Variants in LIG1 observed in about 807,000 individuals in gnomAD.
LIG1 encodes the protein DNA ligase 1, also known as ligase I, DNA, ATP-dependent.
A neutral mutation model predicts 115.7 loss-of-function variants in LIG1; 70 were observed. The observed-to-expected ratio is 0.60, with a 90% CI of 0.50 to 0.74. LIG1 has a LOEUF of 0.74. Among genes scored for constraint, LIG1 ranks in the 30% least tolerant of loss-of-function variants. The probability of loss-of-function intolerance (pLI) is 0.00; values close to 1 mark genes in which losing one functional copy is unlikely to be tolerated. For synonymous variants in LIG1, 487 were observed against 495.3 expected (o/e 0.98, Z 0.22); for missense variants, 1,115 against 1,225.6 (o/e 0.91, Z 1.35).
chr19:48,119,151 G>A lies in LIG1; in HGVS notation c.2425C>T (p.His809Tyr). 4.4e-6 allele frequency: 7 copies of A among 1,582,472 alleles called. No individual in the cohort carries two copies. Among genetic ancestry groups the A allele is most frequent in the Non-Finnish European group, 6.0e-6 (7 of 1,164,394 alleles). Reference sequence around the variant, plus strand: ...CCATGGCTCACCTTGAGGCTCTGGTGATGCTCCTCCAGCTCCTCATCACTG... The same window carrying A: ...CCATGGCTCACCTTGAGGCTCTGGTAATGCTCCTCCAGCTCCTCATCACTG... ...GFSDEELEEH[H>Y]QSLKALVLPS... Residue 809 changes from histidine (H) to tyrosine (Y), a missense_variant, in exon 25 of 28, where the codon CAC becomes TAC. His to Tyr is a moderately conservative substitution (Grantham distance 83). Coordinates refer to ENST00000263274, the MANE Select transcript of LIG1 (RefSeq NM_000234.3).
chr19:48,129,252 T>C (rs1034968655), intron 19 of LIG1, among the ~76,000 whole-genome samples: 1 of 152,188 alleles, frequency 6.6e-6, no homozygotes, highest in East Asian at 1.9e-4. Flanking sequence ...GGTTTCACCA[T>C]GTTGGCCAGG....
chr19:48,153,689 C>T (rs2035626242), intron 6 of LIG1, among the ~76,000 whole-genome samples, 183 bp downstream of exon 6: 1 of 129,208 alleles, frequency 7.7e-6, no homozygotes. Flanking sequence ...CACACACACA[C>T]ACCTCTCCTT....
intron 4 of LIG1, among the ~76,000 whole-genome samples, chr19:48,158,584 A>T (rs1353081985): frequency 6.6e-6 from 1 of 152,072 alleles, no homozygotes; most frequent in East Asian, 1.9e-4. Flanking sequence ...CAGGACCGGG[A>T]CTCCACAAAT....
In LIG1 at chr19:48,137,075, T is replaced by C. The variant is rs1169233153; in HGVS notation, c.1264A>G (p.Lys422Glu). 1 of 1,612,886 alleles carries C rather than the reference T, an allele frequency of 6.2e-7. No homozygotes were observed. The highest frequency in any genetic ancestry group is 1.7e-5 in the Admixed American group (1 of 59,790). The change falls in exon 14 of 28, where the codon AAG becomes GAG. Residue 422 changes from lysine to glutamate, a missense_variant. Physicochemically the swap from Lys to Glu is moderately conservative, Grantham distance 56. Transcript: ENST00000263274. This position sits in a 1 kb window ranked among gnomAD's most constrained non-coding sequence, Gnocchi z 4.3. Reference protein sequence around the residue: ...ARLTGSASTAKKIDIIKGLFV... With the variant: ...ARLTGSASTAEKIDIIKGLFV... Reference sequence around the variant, plus strand: ...AGGCCTTTGATGATGTCTATCTTCTTGGCTGTGGACTGGAGAGTCAGGGGA... The same window carrying C: ...AGGCCTTTGATGATGTCTATCTTCTCGGCTGTGGACTGGAGAGTCAGGGGA...
At chr19:48,127,682 G>A in intron 20 of LIG1, 1 of 625,874 alleles carries the variant, frequency 1.6e-6, no homozygotes, top group Non-Finnish European at 2.9e-6. Context: ...TTCTTTCATA[G>A]TAAAACAACA....
rs184585491 is a variant in LIG1, at chr19:48,128,351, G to A, written c.1822-331C>T. Among the ~76,000 whole-genome samples the A allele has an allele frequency of 5.5e-3, 837 of 152,186 alleles. 4 individuals are homozygous for A. The highest frequency in any genetic ancestry group is 7.7e-3 in the Non-Finnish European group (526 of 68,008). On this transcript the variant is annotated intron_variant, in intron 19 of 27. Coordinates refer to ENST00000263274, the MANE Select transcript of LIG1 (RefSeq NM_000234.3). The stretch of plus-strand genomic sequence containing the variant: ...AACTCCCTGCTCAGCCTCGCCTACT[G>A]GGCTTCCCTGTCCTGCACCGATCCC...
chr19:48,156,770 G>A (rs3730870), intron 5 of LIG1, among the ~76,000 whole-genome samples: 49,155 of 151,460 alleles, frequency 0.32, 8,828 homozygotes, highest in East Asian at 0.55. Context: ...GTGAAACCCC[G>A]TCTCTACTAA....
chr19:48,116,402 T>A (rs1187166258), intron 26 of LIG1, among the ~76,000 whole-genome samples: 2 of 141,390 alleles, frequency 1.4e-5, no homozygotes, highest in African/African-American at 5.4e-5. Flanking sequence ...GAGCTGAGAT[T>A]GCGCCACTGT....
chr19:48,126,348 G>A (rs2033667220), intron 21 of LIG1, among the ~76,000 whole-genome samples: 1 of 152,256 alleles, frequency 6.6e-6, no homozygotes, highest in South Asian at 2.1e-4. Flanking sequence ...GTTCACGCCT[G>A]TAATCCCAGC....
At position 48,117,704 on chromosome 19, in the gene LIG1, G is replaced by A. The variant is rs761804615; in HGVS notation, c.2517C>T (p.Ser839=). The change falls in exon 26 of 28, where the codon AGC becomes AGT. Residue 839 remains serine, a synonymous_variant. Transcript: ENST00000263274. ...CAGCGCACTTCACCTCCCACACAGC[G>A]CTGGGGTCCAGCCAGTGGTCGGGAA... ...AVIPDHWLDP[S]AVWEVKCADL... is the part of the protein sequence containing the mutation. 9.9e-6 allele frequency: 16 copies of A among 1,612,654 alleles called. No individual in the cohort carries two copies. Among genetic ancestry groups the A allele is most frequent in the Middle Eastern group, 1.6e-4 (1 of 6,074 alleles).
At position 48,167,004 on chromosome 19, in the gene LIG1, A is replaced by G. The variant is rs972006525; in HGVS notation, c.-57-1381T>C. Among the ~76,000 whole-genome samples the G allele has an allele frequency of 2.0e-5, 3 of 150,806 alleles. No homozygotes were observed. The South Asian group carries it at 6.3e-4, about 31-fold the overall frequency. The stretch of plus-strand genomic sequence containing the variant: ...GAAAAAGAAAGAAAAAGAAAAAGAA[A>G]AGAAAGGGTTCTTAATCTGGGGTCC... On this transcript the variant is annotated intron_variant, in intron 1 of 27. Coordinates refer to ENST00000263274, the MANE Select transcript of LIG1 (RefSeq NM_000234.3).
intron 1 of LIG1, among the ~76,000 whole-genome samples, chr19:48,167,081 A>G (rs1162713399): frequency 1.3e-5 from 2 of 151,378 alleles, no homozygotes; most frequent in South Asian, 2.1e-4. Flanking sequence ...GAAATTTGAC[A>G]GGAAAGAAAT....
chr19:48,121,359 C>A (rs537333019), intron 23 of LIG1, 37 bp from the exon 24 acceptor site: 4 of 1,551,520 alleles, frequency 2.6e-6, no homozygotes, highest in South Asian at 1.2e-5. Flanking sequence ...GAAGGGGGAG[C>A]GCCCAAGGCG....
rs188215969 is a variant in LIG1, at chr19:48,133,869, G to A, written c.1609+112C>T. The A allele has an allele frequency of 3.3e-3, 2,743 of 837,468 alleles. 10 individuals carry two copies. Among genetic ancestry groups the A allele is most frequent in the Non-Finnish European group, 4.8e-3 (2,421 of 501,390 alleles). The allele number at this position is 837,468 out of a possible 1,614,324, so 51.9% of individuals were successfully genotyped here. On this transcript the variant is annotated intron_variant, in intron 17 of 27. Coordinates refer to ENST00000263274, the MANE Select transcript of LIG1 (RefSeq NM_000234.3). The stretch of plus-strand genomic sequence containing the variant: ...CAGGGAGGAGCATTTGGTTTTGGTG[G>A]GGGAGAGGACTCTGCAAGTTCTGAG...
intron 24 of LIG1, among the ~76,000 whole-genome samples, chr19:48,119,424 G>A (rs2033107939): frequency 6.6e-6 from 1 of 151,910 alleles, no homozygotes; most frequent in African/African-American, 2.4e-5. Context: ...TCTGCTTTAT[G>A]GAGAAACTCT....
Position 48,131,155 on chromosome 19 carries a change from C to T in LIG1, c.1742G>A (p.Gly581Asp). Residue 581 changes from glycine to aspartate, a missense_variant, in exon 19 of 28, where the codon GGC (glycine) becomes GAC (aspartate). By Grantham distance (94) the Gly-to-Asp change is moderately conservative (BLOSUM62 -1). Coordinates refer to ENST00000263274, the MANE Select transcript of LIG1 (RefSeq NM_000234.3). ...CCTGCTGAAGATCTTCACCTCCCCG[C>T]CTTCCAGGGCGTGGATCTGTCACGA... ...GQRAQIHALE[G>D]GEVKIFSRNQ... is the part of the protein sequence containing the mutation. 6.2e-7 allele frequency: 1 copy of T among 1,614,092 alleles called. No homozygotes were observed. Among genetic ancestry groups the T allele is most frequent in the Non-Finnish European group, 8.5e-7 (1 of 1,179,948 alleles).
rs543764710 is a variant in LIG1, at chr19:48,148,639, C to T, written c.776+1124G>A. On this transcript the variant is annotated intron_variant, in intron 9 of 27. Coordinates refer to ENST00000263274, the MANE Select transcript of LIG1 (RefSeq NM_000234.3). ...GCATATCCTCTATGCTGGGGAGAATCGCAGATGGGTTTTGAGCATGGCAGA... is the reference window on the plus strand; with the variant it reads ...GCATATCCTCTATGCTGGGGAGAATTGCAGATGGGTTTTGAGCATGGCAGA... Among the ~76,000 whole-genome samples, 15 of 152,050 alleles carry T rather than the reference C, an allele frequency of 9.9e-5. No individual in the cohort carries two copies. The East Asian group carries it at 1.7e-3, about 18-fold the overall frequency.
intron 1 of LIG1, among the ~76,000 whole-genome samples, chr19:48,166,959 CAAA>C (rs59675364): frequency 3.8e-5 from 4 of 106,406 alleles, no homozygotes; most frequent in Non-Finnish European, 5.7e-5. Flanking sequence ...CACTCTGTCT[CAAA>C]AAAAAAAAAA....
In LIG1 at chr19:48,133,096, C is replaced by A. The variant is rs951699876; in HGVS notation, c.1611G>T (p.Gly537=). ...RLPEHCKLSP[G]IPLKPMLAHP... The stretch of plus-strand genomic sequence containing the variant: ...GGGCCAACATTGGTTTCAGGGGAAT[C>A]CCTGGGAAAGGAGGAGAGTGAGTTA... The change falls in exon 18 of 28, where the codon GGG becomes GGT. Residue 537 remains glycine, a splice_region_variant and synonymous_variant. Coordinates refer to ENST00000263274, the MANE Select transcript of LIG1 (RefSeq NM_000234.3). 4 of 1,604,384 alleles carry A rather than the reference C, an allele frequency of 2.5e-6. No homozygotes were observed. The highest frequency in any genetic ancestry group is 2.7e-5 in the African/African-American group (2 of 74,674).
Sources: allele counts gnomAD v4.1 joint callset (sites outside exome capture counted in the v4.1 genomes callset), GRCh38; gene constraint gnomAD v4.1.1; non-coding constraint Gnocchi (gnomAD v3.1); transcripts MANE v1.5; gene names NCBI Gene and HGNC (gene_info 2026-07-23, HGNC 2026-07-21).